The following HDAC7 variants were observed in gnomAD, a reference collection of about 807,000 sequenced individuals.
The protein encoded by HDAC7 is histone deacetylase 7A.
Under a neutral mutation model 115.5 loss-of-function variants are expected in HDAC7, and 26 were observed. That is an observed-to-expected ratio of 0.23 (90% CI 0.16 to 0.31). The LOEUF is 0.31. HDAC7 is among the 10% of genes least tolerant of loss of function. The probability of loss-of-function intolerance (pLI) is 1.00; values close to 1 mark genes in which losing one functional copy is unlikely to be tolerated. For synonymous variants in HDAC7, 564 were observed against 550.9 expected, an observed-to-expected ratio of 1.02 and a Z score of -0.33; for missense variants, 1,068 against 1,329.0, an observed-to-expected ratio of 0.80 and a Z score of 3.05.
At position 47,783,061 on chromosome 12, in the gene HDAC7, A is replaced by AGAAG. The variant is rs1280949992; in HGVS notation, c.*776_*779dup. 1 of 152,554 alleles carries AGAAG rather than the reference A, an allele frequency of 6.6e-6. No individual in the cohort carries two copies. Among genetic ancestry groups the AGAAG allele is most frequent in the African/African-American group, 2.4e-5 (1 of 41,402 alleles). 9.5% of individuals were successfully genotyped at this position (152,554 alleles called of 1,614,324 possible). ...ATGGTGGGGGAGGCCCCAGAAACAG[A>AGAAG]GAAGGCTCCCCGAGTGGGCAGTGGC... On this transcript the variant is annotated 3_prime_UTR_variant, in exon 26 of 26. Transcript: ENST00000080059.
chr12:47,813,677 CGAG>C (rs148066105), intron 1 of HDAC7, among the ~76,000 whole-genome samples: 23,932 of 152,054 alleles, frequency 0.16, 2,474 homozygotes, highest in Non-Finnish European at 0.23. Flanking sequence ...GCCTTCCTGA[CGAG>C]GAGAAGTCCC....
At chr12:47,805,765 G>A (rs1013204042) in intron 1 of HDAC7, among the ~76,000 whole-genome samples, 2 of 152,174 alleles carry the variant, frequency 1.3e-5, no homozygotes, top group African/African-American at 4.8e-5. Context: ...AAGGGGCTAG[G>A]TCACAGCCAC....
Position 47,803,754 on chromosome 12 carries a change from C to T in HDAC7, c.20-1480G>A, listed in dbSNP as rs1439715414. 6.6e-6 allele frequency among the ~76,000 whole-genome samples: 1 copy of T among 152,198 alleles called. No homozygotes were observed. Among genetic ancestry groups the T allele is most frequent in the Non-Finnish European group, 1.5e-5 (1 of 68,042 alleles). ...CTGACAAATCAAATACAATGACTCT[C>T]TCCTGACAACCTGCCTGAGACACAG... On this transcript the variant is annotated intron_variant, in intron 1 of 25. Coordinates refer to ENST00000080059, the MANE Select transcript of HDAC7 (RefSeq NM_015401.5). The surrounding 1 kb of genome is among the most constrained non-coding windows in gnomAD (Gnocchi z 4.0).
At chr12:47,796,391 C>A (rs948570637) in intron 7 of HDAC7, 93 bp from the exon 8 acceptor site, 2 of 778,996 alleles carry the variant, frequency 2.6e-6, no homozygotes, top group Non-Finnish European at 4.1e-6. Flanking sequence ...CCGGGAGCAC[C>A]CCCTTCCTTA....
chr12:47,799,216 C>G (rs376354159), intron 2 of HDAC7: 1 of 442,988 alleles, frequency 2.3e-6, no homozygotes, highest in East Asian at 3.7e-5. Flanking sequence ...GGTGTTTGAA[C>G]GGAGTCTTCC....
chr12:47,805,038 C>T (rs927928362), intron 1 of HDAC7, among the ~76,000 whole-genome samples: 2 of 151,774 alleles, frequency 1.3e-5, no homozygotes, highest in Admixed American at 6.6e-5. Context: ...CCACCTAGAA[C>T]GCCCCCCTCC....
In HDAC7 at chr12:47,791,850, G is replaced by A. The variant is rs150578326; in HGVS notation, c.1812+21C>T. On this transcript the variant is annotated intron_variant, in intron 14 of 25. Coordinates refer to ENST00000080059, the MANE Select transcript of HDAC7 (RefSeq NM_015401.5). ...ACTCCTCCCTCCACCCATTCCTCGG[G>A]CCCCACCCGCGCCTCCTCACCTCAC... 18,519 of 1,600,720 alleles carry A rather than the reference G, an allele frequency of 0.012. 2,622 individuals carry two copies. In the Admixed American group the frequency reaches 0.26, roughly 22 times the overall value.
At position 47,797,554 on chromosome 12, in the gene HDAC7, T is replaced by C; in HGVS notation, c.462-55A>G. The C allele has an allele frequency of 7.5e-7, 1 of 1,338,638 alleles. No homozygotes were observed. The highest frequency in any genetic ancestry group is 1.3e-5 in the South Asian group (1 of 75,864). 82.9% of individuals were successfully genotyped at this position (1,338,638 alleles called of 1,614,324 possible). A position where few individuals can be genotyped will look rare whatever the true frequency, so the allele number is the denominator to read the frequency against. ...AGGTGTGGGGACACTGCACGGGCAC[T>C]GCCCTGAGCACGGGCCCTGGGACCT... On this transcript the variant is annotated intron_variant, in intron 5 of 25. Coordinates refer to ENST00000080059, the MANE Select transcript of HDAC7 (RefSeq NM_015401.5). This position sits in a 1 kb window ranked among gnomAD's most constrained non-coding sequence, Gnocchi z 5.5.
At position 47,797,501 on chromosome 12, in the gene HDAC7, T is replaced by C. The variant is rs1303410647; in HGVS notation, c.462-2A>G. The C allele has an allele frequency of 6.2e-7, 1 of 1,606,516 alleles. No homozygotes were observed. The highest frequency in any genetic ancestry group is 1.7e-5 in the Admixed American group (1 of 59,368). On this transcript the variant is annotated splice_acceptor_variant, in intron 5 of 25. Transcript: ENST00000080059. LOFTEE classifies it high-confidence loss of function. The surrounding 1 kb of genome is among the most constrained non-coding windows in gnomAD (Gnocchi z 5.5). The stretch of plus-strand genomic sequence containing the variant: ...TCCGTCTCCAGGGGCTCCAGGGTTC[T>C]ACAGAACGAGTGCCAAGGCTGCTTC...
Position 47,785,384 on chromosome 12 carries a change from T to TA in HDAC7, c.2791+2dup. 1 of 1,606,208 alleles carries TA rather than the reference T, an allele frequency of 6.2e-7. No individual in the cohort carries two copies. The highest frequency in any genetic ancestry group is 8.5e-7 in the Non-Finnish European group (1 of 1,176,282). Reference sequence around the variant, plus strand: ...TCAGCGAGTGTCCCATCTCCACACTTACTGTGCACCCGGATCACGGCCTCC... The same window carrying TA: ...TCAGCGAGTGTCCCATCTCCACACTTAACTGTGCACCCGGATCACGGCCTCC... On this transcript the variant is annotated splice_region_variant and intron_variant, in intron 24 of 25. Transcript: ENST00000080059.
intron 1 of HDAC7, among the ~76,000 whole-genome samples, chr12:47,810,583 C>T (rs765657377): frequency 3.3e-5 from 5 of 152,120 alleles, no homozygotes; most frequent in Non-Finnish European, 5.9e-5. Flanking sequence ...TACATTTTAC[C>T]ATTTTAAAGT....
rs768955085 is a variant in HDAC7 at position 47,797,026 on chromosome 12, T to C, written c.694A>G (p.Thr232Ala). ...CTCAGCCGGCCCTCACCTCCGAGGGTCTCTGCGGGCCGCCGCCGGAGGCTG... is the reference window on the plus strand; with the variant it reads ...CTCAGCCGGCCCTCACCTCCGAGGGCCTCTGCGGGCCGCCGCCGGAGGCTG... Reference protein sequence around the residue: ...PPSLRRRPAETLGDSSPSSSS... With the variant: ...PPSLRRRPAEALGDSSPSSSS... Residue 232 changes from threonine to alanine, a missense_variant, in exon 7 of 26, where the codon ACC becomes GCC. Thr to Ala is a moderately conservative substitution (Grantham distance 58). Coordinates refer to ENST00000080059, the MANE Select transcript of HDAC7 (RefSeq NM_015401.5). The surrounding 1 kb of genome is among the most constrained non-coding windows in gnomAD (Gnocchi z 5.5). 4.5e-6 allele frequency: 7 copies of C among 1,562,756 alleles called. No individual in the cohort carries two copies. In the Admixed American group the frequency reaches 9.8e-5, roughly 22 times the overall value.
In HDAC7 at chr12:47,783,633, C is replaced by T. The variant is rs1447577869; in HGVS notation, c.*208G>A. 1 of 609,860 alleles carries T rather than the reference C, an allele frequency of 1.6e-6. No homozygotes were observed. Among genetic ancestry groups the T allele is most frequent in the Non-Finnish European group, 2.9e-6 (1 of 339,740 alleles). 37.8% of individuals were successfully genotyped at this position (609,860 alleles called of 1,614,324 possible). A position where few individuals can be genotyped will look rare whatever the true frequency, so the allele number is the denominator to read the frequency against. On this transcript the variant is annotated 3_prime_UTR_variant, in exon 26 of 26. Coordinates refer to ENST00000080059, the MANE Select transcript of HDAC7 (RefSeq NM_015401.5). ...CTGTGGGGGTCGCCGCCCAGCCCGT[C>T]TCCTCTCAGGGTCCTCTCCAGTTCC...
intron 1 of HDAC7, among the ~76,000 whole-genome samples, chr12:47,816,539 C>A (rs1196890888): frequency 2.6e-5 from 4 of 152,212 alleles, no homozygotes; most frequent in African/African-American, 7.2e-5. Context: ...GAGGGGTACA[C>A]ACACAGATAC....
chr12:47,787,413 T>G (rs1943231185), intron 21 of HDAC7, among the ~76,000 whole-genome samples: 1 of 152,056 alleles, frequency 6.6e-6, no homozygotes, highest in South Asian at 2.1e-4. Context: ...TCCAGAATTC[T>G]CTTTTCCCAA....
In HDAC7 at chr12:47,795,327, C is replaced by T. The variant is rs753205911; in HGVS notation, c.1141G>A (p.Glu381Lys). The T allele has an allele frequency of 5.0e-6, 8 of 1,612,730 alleles. No homozygotes were observed. Among genetic ancestry groups the T allele is most frequent in the South Asian group, 4.4e-5 (4 of 91,030 alleles). ...TGGAGGCCTGACCCAGAGAGCCGCT[C>T]GGTGGTCATTAAGGACTGGGCAAAG... is the stretch of plus-strand genomic sequence containing the variant. ...FHFAQSLMTT[E>K]RLSGSGLHWP... Residue 381 changes from glutamate to lysine, a missense_variant, in exon 11 of 26, where the codon GAG becomes AAG. Glu to Lys is a moderately conservative substitution (Grantham distance 56). Coordinates refer to ENST00000080059, the MANE Select transcript of HDAC7 (RefSeq NM_015401.5). This position sits in a 1 kb window ranked among gnomAD's most constrained non-coding sequence, Gnocchi z 4.3.
At chr12:47,802,560 C>G (rs1944221488) in intron 1 of HDAC7, 1 of 1,274,946 alleles carries the variant, frequency 7.8e-7, no homozygotes, top group South Asian at 1.3e-5. Context: ...CTCAGCTCAC[C>G]CAGCAGTGCC....
rs115839246 is a variant in HDAC7 at position 47,792,288 on chromosome 12, C to T, written c.1679-284G>A. ...CACAGAGCCACGGCCTTCCCACATG[C>T]GGACACGACTGCTGGGTGGCCCAGG... On this transcript the variant is annotated intron_variant, in intron 13 of 25. Coordinates refer to ENST00000080059, the MANE Select transcript of HDAC7 (RefSeq NM_015401.5). The T allele has an allele frequency of 8.6e-3, 4,190 of 485,528 alleles. 169 individuals carry two copies. The highest frequency in any genetic ancestry group is 0.075 in the African/African-American group (3,843 of 51,580). 30.1% of individuals were successfully genotyped at this position (485,528 alleles called of 1,614,324 possible). A position where few individuals can be genotyped will look rare whatever the true frequency, so the allele number is the denominator to read the frequency against.
At chr12:47,786,905 A>G (rs776899654) in intron 21 of HDAC7, among the ~76,000 whole-genome samples, 12 of 152,180 alleles carry the variant, frequency 7.9e-5, no homozygotes, top group Non-Finnish European at 1.6e-4. Context: ...TCAGCCCCCT[A>G]GGGGACTTAA....
Sources: gnomAD v4.1 joint callset for allele counts (sites outside exome capture counted in the v4.1 genomes callset) on GRCh38, gnomAD v4.1.1 for gene constraint, Gnocchi (gnomAD v3.1) non-coding constraint, MANE v1.5 for transcripts, NCBI Gene and HGNC (gene_info 2026-07-23, HGNC 2026-07-21) for gene names.